Variants in MGMT observed in about 807,000 individuals in gnomAD.
The protein encoded by MGMT is O-6-methylguanine-DNA methyltransferase, also known as methylated-DNA--protein-cysteine methyltransferase.
Under a neutral mutation model 15.9 loss-of-function variants are expected in MGMT, and 14 were observed. The ratio of observed to expected loss-of-function variants is 0.88; its 90% CI spans 0.58 to 1.37. MGMT has a LOEUF of 1.37. Ranked by LOEUF, MGMT falls within the 40% of genes most tolerant of loss-of-function variation. MGMT has a pLI of 0.00. For missense variants in MGMT, 282 were observed against 268.1 expected (o/e 1.05, Z -0.36); for synonymous variants, 130 against 118.2 (o/e 1.10, Z -0.65).
chr10:129,748,882 A>T (rs1476503791), intron 3 of MGMT, among the ~76,000 whole-genome samples: 1 of 152,200 alleles, frequency 6.6e-6, no homozygotes, highest in Non-Finnish European at 1.5e-5. Context: ...AGCCCAGTAT[A>T]CATATAGAAT....
chr10:129,596,000 G>A (rs935440453), intron 2 of MGMT, among the ~76,000 whole-genome samples: 1 of 152,162 alleles, frequency 6.6e-6, no homozygotes, highest in Non-Finnish European at 1.5e-5. Flanking sequence ...ATTATAGGTG[G>A]GTTCAGCTGC....
intron 1 of MGMT, among the ~76,000 whole-genome samples, chr10:129,522,195 G>T (rs1246832335): frequency 1.3e-5 from 2 of 152,376 alleles, no homozygotes; most frequent in African/African-American, 4.8e-5. Context: ...GTTTTACTCA[G>T]ATCTTCTTGG....
At chr10:129,515,069 T>G (rs760722044) in intron 1 of MGMT, among the ~76,000 whole-genome samples, 5 of 152,222 alleles carry the variant, frequency 3.3e-5, no homozygotes, top group African/African-American at 4.8e-5. Context: ...GGTCTGCCCC[T>G]TCTCCGCTCC....
At chr10:129,471,068 T>A (rs1845225239) in intron 1 of MGMT, among the ~76,000 whole-genome samples, 1 of 152,226 alleles carries the variant, frequency 6.6e-6, no homozygotes, top group South Asian at 2.1e-4. Context: ...AAGTCTGGGC[T>A]GGGGGACACC....
At chr10:129,740,296 A>G (rs1361081985) in intron 3 of MGMT, among the ~76,000 whole-genome samples, 1 of 152,070 alleles carries the variant, frequency 6.6e-6, no homozygotes, top group Non-Finnish European at 1.5e-5. Flanking sequence ...GTGGAGCCAC[A>G]GCTGCTGAGG....
chr10:129,692,026 C>T (rs548467223), intron 2 of MGMT, among the ~76,000 whole-genome samples: 3 of 152,318 alleles, frequency 2.0e-5, no homozygotes, highest in Admixed American at 6.5e-5. Flanking sequence ...TAGACGTGGG[C>T]GGTGCACGTG....
intron 1 of MGMT, among the ~76,000 whole-genome samples, chr10:129,531,559 C>T (rs989780894): frequency 1.3e-5 from 2 of 152,084 alleles, no homozygotes; most frequent in South Asian, 2.1e-4. Context: ...GCATCAGAGA[C>T]GCTGCCGTGC....
intron 3 of MGMT, among the ~76,000 whole-genome samples, chr10:129,708,984 G>T (rs905041870): frequency 1.3e-5 from 2 of 152,208 alleles, no homozygotes; most frequent in African/African-American, 2.4e-5. Context: ...TGAAGGTTGG[G>T]CTAATACCTG....
intron 2 of MGMT, among the ~76,000 whole-genome samples, chr10:129,558,792 T>C (rs564736881): frequency 1.3e-5 from 2 of 152,348 alleles, no homozygotes; most frequent in Admixed American, 1.3e-4. Flanking sequence ...TGTAGTTGCT[T>C]TGGAGCCTTT....
chr10:129,698,600 C>T (rs571988234), intron 2 of MGMT, among the ~76,000 whole-genome samples: 14 of 152,214 alleles, frequency 9.2e-5, no homozygotes, highest in Non-Finnish European at 2.1e-4. Flanking sequence ...TGTTCACTGC[C>T]GTGGTGGTGG....
intron 3 of MGMT, among the ~76,000 whole-genome samples, chr10:129,743,806 G>A (rs1229607618): frequency 3.9e-5 from 6 of 152,264 alleles, no homozygotes; most frequent in African/African-American, 7.2e-5. Context: ...TGTGTAAGGC[G>A]TATGGAAAGA....
chr10:129,535,499 A>G (rs2119757876), intron 1 of MGMT, among the ~76,000 whole-genome samples: 1 of 152,342 alleles, frequency 6.6e-6, no homozygotes, highest in East Asian at 1.9e-4. Context: ...CTGGAACTAC[A>G]GGTGTGTGCT....
intron 2 of MGMT, among the ~76,000 whole-genome samples, chr10:129,657,728 C>CACACACACACACACACA (rs1554874807): frequency 9.5e-5 from 13 of 136,156 alleles, no homozygotes; most frequent in East Asian, 2.1e-4. Flanking sequence ...CACACACACA[C>CACACACACACACACACA]CCCCTCTCCC....
At chr10:129,595,545 G>C (rs551616017) in intron 2 of MGMT, among the ~76,000 whole-genome samples, 3 of 152,224 alleles carry the variant, frequency 2.0e-5, no homozygotes, top group African/African-American at 7.2e-5. Context: ...TGGTCTTCGG[G>C]GGGGTCTGAC....
intron 4 of MGMT, among the ~76,000 whole-genome samples, chr10:129,765,367 G>A (rs1248501316): frequency 6.7e-6 from 1 of 149,108 alleles, no homozygotes; most frequent in African/African-American, 2.6e-5. Flanking sequence ...TGGCCCTGGA[G>A]CCCCCAGAGC....
At chr10:129,731,423 C>T (rs1848496520) in intron 3 of MGMT, among the ~76,000 whole-genome samples, 1 of 137,220 alleles carries the variant, frequency 7.3e-6, no homozygotes, top group Non-Finnish European at 1.5e-5. Flanking sequence ...AGTGCAGTGA[C>T]ACGATCTCGG....
At chr10:129,679,361 C>G (rs1169132128) in intron 2 of MGMT, among the ~76,000 whole-genome samples, 1 of 150,196 alleles carries the variant, frequency 6.7e-6, no homozygotes, top group Non-Finnish European at 1.5e-5. Context: ...CTGTGGGACC[C>G]TGCGGGCTTC....
At chr10:129,710,758 A>T (rs1848223964) in intron 3 of MGMT, among the ~76,000 whole-genome samples, 1 of 152,232 alleles carries the variant, frequency 6.6e-6, no homozygotes, top group Non-Finnish European at 1.5e-5. Context: ...GTCTTTTGAC[A>T]TCTCAGAGCC....
chr10:129,483,681 A>G (rs1845381715), intron 1 of MGMT, among the ~76,000 whole-genome samples: 1 of 151,768 alleles, frequency 6.6e-6, no homozygotes, highest in South Asian at 2.1e-4. Flanking sequence ...TCTGGCCACT[A>G]AGGTTTTCTC....
Sources: gnomAD v4.1 joint callset for allele counts (sites outside exome capture counted in the v4.1 genomes callset) on GRCh38, gnomAD v4.1.1 for gene constraint, MANE v1.5 for transcripts, NCBI Gene and HGNC (gene_info 2026-07-23, HGNC 2026-07-21) for gene names.